Variants in MUSK observed in about 807,000 individuals in gnomAD.
MUSK encodes the protein muscle associated receptor tyrosine kinase.
Under a neutral mutation model 88.7 loss-of-function variants are expected in MUSK, and 55 were observed. The ratio of observed to expected loss-of-function variants is 0.62; its 90% CI spans 0.50 to 0.78. The LOEUF (loss-of-function observed/expected upper bound fraction) is 0.78, where lower values mean the gene tolerates loss of function less well. MUSK is among the 30% of genes least tolerant of loss of function. The probability of loss-of-function intolerance (pLI) is 0.00; values close to 1 mark genes in which losing one functional copy is unlikely to be tolerated. For synonymous variants in MUSK, 387 were observed against 391.9 expected (o/e 0.99, Z 0.15); for missense variants, 1,015 against 1,074.3 (o/e 0.94, Z 0.77).
intron 6 of MUSK, among the ~76,000 whole-genome samples, chr9:110,740,445 C>T (rs901042307): frequency 1.1e-4 from 16 of 152,084 alleles, no homozygotes; most frequent in Admixed American, 2.0e-4. Context: ...CAATGATGAG[C>T]GCCAAAAATC....
At chr9:110,700,211 G>A (rs887041459) in intron 5 of MUSK, among the ~76,000 whole-genome samples, 4 of 152,154 alleles carry the variant, frequency 2.6e-5, no homozygotes, top group African/African-American at 9.7e-5. Flanking sequence ...TTCCATTGAG[G>A]CTAAATGTTT....
At position 110,762,222 on chromosome 9, in the gene MUSK, A is replaced by T; in HGVS notation, c.920+14A>T. ...AATAGAATGGAGGTAAGAAACTGTT[A>T]TTGTAACAATTGTTTCCAATGTTTT... On this transcript the variant is annotated intron_variant, in intron 8 of 14. Transcript: ENST00000374448. The T allele has an allele frequency of 7.1e-7, 1 of 1,412,546 alleles. No individual in the cohort carries two copies. The highest frequency in any genetic ancestry group is 9.3e-7 in the Non-Finnish European group (1 of 1,076,796). The allele number at this position is 1,412,546 out of a possible 1,614,324, so 87.5% of individuals were successfully genotyped here.
chr9:110,781,364 C>A (rs940417965), intron 11 of MUSK, among the ~76,000 whole-genome samples: 5 of 152,150 alleles, frequency 3.3e-5, no homozygotes, highest in African/African-American at 1.2e-4. Context: ...GCAAGCTCCG[C>A]CTCCCGGGTT....
Position 110,689,762 on chromosome 9 carries a change from T to G in MUSK, c.358+2494T>G, listed in dbSNP as rs1442371456. Among the ~76,000 whole-genome samples, 4 of 49,594 alleles carry G rather than the reference T, an allele frequency of 8.1e-5. No homozygotes were observed. In the East Asian group the frequency reaches 2.2e-3, roughly 28 times the overall value. The allele number at this position is 49,594 out of a possible 152,430, so 32.5% of individuals were successfully genotyped here. On this transcript the variant is annotated intron_variant, in intron 3 of 14. Coordinates refer to ENST00000374448, the MANE Select transcript of MUSK (RefSeq NM_005592.4). ...ATAATATTATATATTATATATAAAC[T>G]ATATATATCACATATAGTTTATATA...
chr9:110,735,114 T>A (rs1444390038), intron 6 of MUSK, among the ~76,000 whole-genome samples: 1 of 152,032 alleles, frequency 6.6e-6, no homozygotes, highest in African/African-American at 2.4e-5. Flanking sequence ...TTCATGGGAA[T>A]GGGAATTACT....
At position 110,803,410 on chromosome 9, in the gene MUSK, A is replaced by G. The variant is rs1043898051; in HGVS notation, c.*2422A>G. ...TGCAAGCTCAGCCTCCAACAGTCAC[A>G]GAGAGATTGTGCAACTGGCCCGAGT... is the stretch of plus-strand genomic sequence containing the variant. On this transcript the variant is annotated 3_prime_UTR_variant, in exon 15 of 15. Transcript: ENST00000374448. Among the ~76,000 whole-genome samples the G allele has an allele frequency of 4.6e-5, 7 of 152,192 alleles. No individual in the cohort carries two copies. Among genetic ancestry groups the G allele is most frequent in the African/African-American group, 1.7e-4 (7 of 41,462 alleles).
intron 3 of MUSK, among the ~76,000 whole-genome samples, chr9:110,691,781 T>C (rs1005549207): frequency 6.6e-6 from 1 of 152,166 alleles, no homozygotes; most frequent in Non-Finnish European, 1.5e-5. Flanking sequence ...TTATCTTTTG[T>C]TATTTTGCTG....
Position 110,682,774 on chromosome 9 carries a change from C to T in MUSK, c.180C>T (p.Ser60=). Residue 60 remains serine (S), a synonymous_variant, in exon 2 of 15, where the codon TCC becomes TCT. Coordinates refer to ENST00000374448, the MANE Select transcript of MUSK (RefSeq NM_005592.4). ...AVESYPQPEI[S]WTRNKILIKL... ...AATCCTACCCCCAGCCTGAGATTTC[C>T]TGGACTAGAAATAAAATTCTCATTA... is the stretch of plus-strand genomic sequence containing the variant. 6.2e-7 allele frequency: 1 copy of T among 1,612,322 alleles called. No homozygotes were observed. Among genetic ancestry groups the T allele is most frequent in the Non-Finnish European group, 8.5e-7 (1 of 1,178,926 alleles).
At chr9:110,768,963 T>C (rs1364280975) in intron 9 of MUSK, among the ~76,000 whole-genome samples, 2 of 152,192 alleles carry the variant, frequency 1.3e-5, no homozygotes, top group Admixed American at 6.5e-5. Flanking sequence ...ACTTCTTATG[T>C]AGAAAAAAAA....
At chr9:110,675,071 T>C (rs1264317676) in intron 1 of MUSK, among the ~76,000 whole-genome samples, 1 of 152,154 alleles carries the variant, frequency 6.6e-6, no homozygotes, top group Non-Finnish European at 1.5e-5. Flanking sequence ...TTCCATTTAT[T>C]TATTCCTTGT....
rs78852485 is a variant in MUSK at position 110,748,110 on chromosome 9, C to T, written c.913+310C>T. ...TTCTCCATTTCTCTTTCCTCCCTCC[C>T]TCCTTCCCTCCCTCGCTCCCTTTTT... On this transcript the variant is annotated intron_variant, in intron 7 of 14. Coordinates refer to ENST00000374448, the MANE Select transcript of MUSK (RefSeq NM_005592.4). The T allele has an allele frequency of 0.034, 15,529 of 455,498 alleles. 346 individuals carry two copies. The highest frequency in any genetic ancestry group is 0.047 in the Non-Finnish European group (11,021 of 232,616). 28.2% of individuals were successfully genotyped at this position (455,498 alleles called of 1,614,324 possible). A position where few individuals can be genotyped will look rare whatever the true frequency, so the allele number is the denominator to read the frequency against.
At chr9:110,798,590 T>C (rs1472885906) in intron 14 of MUSK, among the ~76,000 whole-genome samples, 1 of 152,140 alleles carries the variant, frequency 6.6e-6, no homozygotes, top group Non-Finnish European at 1.5e-5. Context: ...TATCCATGCA[T>C]CCACCTATGC....
At chr9:110,682,940 A>G (rs974671439) in intron 2 of MUSK, 140 bp downstream of exon 2, 6 of 524,660 alleles carry the variant, frequency 1.1e-5, no homozygotes, top group Non-Finnish European at 1.3e-5. Flanking sequence ...AGAATGGGGT[A>G]TCCATCCCCT....
intron 5 of MUSK, among the ~76,000 whole-genome samples, chr9:110,716,847 G>A (rs1397332040): frequency 2.7e-5 from 4 of 150,006 alleles, no homozygotes; most frequent in African/African-American, 1.0e-4. Context: ...CTCCTCTGCA[G>A]ATTGCATTTT....
At chr9:110,747,272 G>T (rs1489264877) in intron 6 of MUSK, among the ~76,000 whole-genome samples, 1 of 152,184 alleles carries the variant, frequency 6.6e-6, no homozygotes, top group African/African-American at 2.4e-5. Flanking sequence ...GGGGCAGAGG[G>T]GATAAACGGG....
Position 110,681,007 on chromosome 9 carries a change from T to A in MUSK, c.80-1667T>A, listed in dbSNP as rs866872819. ...TAATGATCCTTATAATATATTATAT[T>A]ATATATAATATATATTATATATTAT... On this transcript the variant is annotated intron_variant, in intron 1 of 14. Transcript: ENST00000374448. Among the ~76,000 whole-genome samples, 217 of 26,410 alleles carry A rather than the reference T, an allele frequency of 8.2e-3. 14 individuals are homozygous for A. Among genetic ancestry groups the A allele is most frequent in the African/African-American group, 0.025 (71 of 2,870 alleles). The allele number at this position is 26,410 out of a possible 152,430, so 17.3% of individuals were successfully genotyped here. A position where few individuals can be genotyped will look rare whatever the true frequency, so the allele number is the denominator to read the frequency against.
chr9:110,783,762 T>A (rs555363942), intron 11 of MUSK, among the ~76,000 whole-genome samples: 1 of 151,980 alleles, frequency 6.6e-6, no homozygotes, highest in Non-Finnish European at 1.5e-5. Context: ...AAGTCTTGGG[T>A]TAAATGTTCA....
At chr9:110,770,294 A>C (rs1588017927) in intron 9 of MUSK, among the ~76,000 whole-genome samples, 1 of 145,264 alleles carries the variant, frequency 6.9e-6, no homozygotes, top group East Asian at 2.0e-4. Flanking sequence ...TATATAATAC[A>C]ATTATATATT....
At chr9:110,745,353 A>C (rs1027425941) in intron 6 of MUSK, among the ~76,000 whole-genome samples, 1 of 152,184 alleles carries the variant, frequency 6.6e-6, no homozygotes, top group African/African-American at 2.4e-5. Context: ...TCCTTGCTTC[A>C]AAGTTGTCTC....
Sources: gnomAD v4.1 joint callset for allele counts (sites outside exome capture counted in the v4.1 genomes callset) on GRCh38, gnomAD v4.1.1 for gene constraint, MANE v1.5 for transcripts, NCBI Gene and HGNC (gene_info 2026-07-23, HGNC 2026-07-21) for gene names.